The following PHAF1 variants were observed in gnomAD, a reference collection of about 807,000 sequenced individuals.
The protein encoded by PHAF1 is phagosome assembly factor 1.
Under a neutral mutation model 63.1 loss-of-function variants are expected in PHAF1, and 23 were observed. That is an observed-to-expected ratio of 0.36 (90% CI 0.26 to 0.52). The LOEUF (loss-of-function observed/expected upper bound fraction) is 0.52. PHAF1 is among the 20% of genes least tolerant of loss of function. The pLI, the probability that PHAF1 is intolerant of heterozygous loss-of-function variation, is 0.93. For synonymous variants in PHAF1, 167 were observed against 185.0 expected (o/e 0.90, Z 0.79); for missense variants, 427 against 517.2 (o/e 0.83, Z 1.69).
At chr16:67,125,225 A>G (rs896003061) in intron 2 of PHAF1, among the ~76,000 whole-genome samples, 4 of 152,180 alleles carry the variant, frequency 2.6e-5, no homozygotes, top group African/African-American at 7.2e-5. Context: ...GAGTTACCTA[A>G]GGTCACCAGG....
rs563285516 is a variant in PHAF1 at position 67,134,661 on chromosome 16, T to G, written c.661+194T>G. On this transcript the variant is annotated intron_variant, in intron 8 of 15. Transcript: ENST00000219139. ...GCTGGGAAGTCCAAGATCAAGGCAC[T>G]GGCAGATTCAGTATCTGGATGCGCC... 659 of 681,608 alleles carry G rather than the reference T, an allele frequency of 9.7e-4. 1 individual carries two copies. The highest frequency in any genetic ancestry group is 1.5e-3 in the Non-Finnish European group (552 of 372,980). The allele number at this position is 681,608 out of a possible 1,614,324, so 42.2% of individuals were successfully genotyped here.
At chr16:67,146,907 G>A in intron 15 of PHAF1, 138 bp from the exon 16 acceptor site, 1 of 770,818 alleles carries the variant, frequency 1.3e-6, no homozygotes, top group Non-Finnish European at 2.2e-6. Flanking sequence ...CCTTTAGCAT[G>A]AACCAGGGGA....
intron 2 of PHAF1, among the ~76,000 whole-genome samples, chr16:67,120,454 CAG>C (rs1962926222): frequency 6.6e-6 from 1 of 151,846 alleles, no homozygotes; most frequent in Non-Finnish European, 1.5e-5. Context: ...GGCCCTTAAA[CAG>C]GGACTTTTCA....
chr16:67,141,189 T>A (rs1963795785), intron 10 of PHAF1, among the ~76,000 whole-genome samples: 1 of 152,206 alleles, frequency 6.6e-6, no homozygotes, highest in Non-Finnish European at 1.5e-5. Context: ...TTGAGCCTTC[T>A]ACGGTCTGAG....
At chr16:67,138,623 T>C (rs901572118) in intron 8 of PHAF1, among the ~76,000 whole-genome samples, 1 of 152,130 alleles carries the variant, frequency 6.6e-6, no homozygotes, top group African/African-American at 2.4e-5. Flanking sequence ...ACTTCTACAT[T>C]TGTGTGTTTG....
At chr16:67,146,896 G>C in intron 15 of PHAF1, 149 bp from the exon 16 acceptor site, 1 of 717,896 alleles carries the variant, frequency 1.4e-6, no homozygotes, top group Non-Finnish European at 2.5e-6. Flanking sequence ...GCAGAGGGGG[G>C]CCTTTAGCAT....
intron 2 of PHAF1, 149 bp downstream of exon 2, chr16:67,120,343 C>T (rs1172489312): frequency 1.4e-6 from 1 of 690,306 alleles, no homozygotes; most frequent in Non-Finnish European, 2.4e-6. Flanking sequence ...AGTACCTTTT[C>T]TTTGATTCTG....
chr16:67,144,594 G>A (rs775926863), intron 11 of PHAF1, among the ~76,000 whole-genome samples: 1 of 152,206 alleles, frequency 6.6e-6, no homozygotes, highest in South Asian at 2.1e-4. Context: ...AGGGAAATAA[G>A]TTCAGAAAGC....
At chr16:67,130,193 C>T (rs982723323) in intron 3 of PHAF1, among the ~76,000 whole-genome samples, 2 of 149,696 alleles carry the variant, frequency 1.3e-5, no homozygotes, top group Non-Finnish European at 3.0e-5. Flanking sequence ...ACTACAGGCG[C>T]CCACCACCAC....
intron 10 of PHAF1, 123 bp downstream of exon 10, chr16:67,140,717 T>C: frequency 1.3e-6 from 1 of 795,942 alleles, no homozygotes; most frequent in Non-Finnish European, 2.1e-6. Context: ...TAGCCCCAGC[T>C]GTCTTTGCCC....
chr16:67,137,609 G>A (rs889116149), intron 8 of PHAF1, among the ~76,000 whole-genome samples: 9 of 152,084 alleles, frequency 5.9e-5, no homozygotes, highest in South Asian at 2.1e-4. Context: ...GTGAGCCACC[G>A]CACCCAGCCT....
rs377361486 is a variant in PHAF1 at position 67,110,254 on chromosome 16, C to T, written c.64+15C>T. On this transcript the variant is annotated intron_variant, in intron 1 of 15. Coordinates refer to ENST00000219139, the MANE Select transcript of PHAF1 (RefSeq NM_025187.5). Reference sequence around the variant, plus strand: ...ATTCACGCTGGGTGAGTTTGGGGTCCTCTGTCAGGACCCCATTCGCTGATC... The same window carrying T: ...ATTCACGCTGGGTGAGTTTGGGGTCTTCTGTCAGGACCCCATTCGCTGATC... 4.5e-6 allele frequency: 7 copies of T among 1,551,514 alleles called. No individual in the cohort carries two copies. Among genetic ancestry groups the T allele is most frequent in the African/African-American group, 2.7e-5 (2 of 73,060 alleles).
chr16:67,140,389 T>C, intron 9 of PHAF1, 122 bp from the exon 10 acceptor site: 1 of 929,412 alleles, frequency 1.1e-6, no homozygotes, highest in Non-Finnish European at 1.7e-6. Context: ...CAGCTGAGAC[T>C]CCCCACTCTT....
chr16:67,141,652 T>TG (rs1310413308), intron 10 of PHAF1, among the ~76,000 whole-genome samples: 1 of 152,108 alleles, frequency 6.6e-6, no homozygotes, highest in Non-Finnish European at 1.5e-5. Context: ...ACTGCTGTGG[T>TG]GGGGCAGGCA....
chr16:67,114,097 T>C (rs1308221786), intron 1 of PHAF1, among the ~76,000 whole-genome samples: 1 of 152,078 alleles, frequency 6.6e-6, no homozygotes, highest in South Asian at 2.1e-4. Flanking sequence ...AAAAGGTAGA[T>C]TTAAAGGGTC....
chr16:67,111,645 CAG>C (rs1185014156), intron 1 of PHAF1, among the ~76,000 whole-genome samples: 1 of 152,168 alleles, frequency 6.6e-6, no homozygotes, highest in African/African-American at 2.4e-5. Context: ...TGTTTTAAGA[CAG>C]AGTCACTCTG....
chr16:67,126,750 A>C (rs1183043695), intron 3 of PHAF1, among the ~76,000 whole-genome samples: 1 of 151,500 alleles, frequency 6.6e-6, no homozygotes, highest in African/African-American at 2.4e-5. Flanking sequence ...CACCACGCCC[A>C]GCTAAATTTT....
intron 1 of PHAF1, among the ~76,000 whole-genome samples, chr16:67,114,557 A>AAAG (rs200220935): frequency 0.033 from 5,019 of 150,394 alleles, 120 homozygotes; most frequent in South Asian, 0.073. Flanking sequence ...CAGTCGAATG[A>AAAG]AAGAAGAAAA....
intron 2 of PHAF1, among the ~76,000 whole-genome samples, chr16:67,121,353 A>G (rs1263668458): frequency 7.0e-6 from 1 of 143,436 alleles, no homozygotes; most frequent in Non-Finnish European, 1.5e-5. Context: ...CACCACACCC[A>G]GCTAATTTTT....
Sources: allele counts gnomAD v4.1 joint callset (sites outside exome capture counted in the v4.1 genomes callset), GRCh38; gene constraint gnomAD v4.1.1; transcripts MANE v1.5; gene names NCBI Gene and HGNC (gene_info 2026-07-23, HGNC 2026-07-21).